MIER3: variants seen among roughly 807,000 people sequenced by gnomAD.
MIER3 encodes the protein MIER family member 3.
In MIER3, 9 loss-of-function variants were observed where a neutral mutation model predicts 63.2. The ratio of observed to expected loss-of-function variants is 0.14; its 90% CI spans 0.09 to 0.25. The LOEUF (loss-of-function observed/expected upper bound fraction) is 0.25. Ranked by LOEUF, MIER3 falls within the 10% of genes least tolerant of loss-of-function variation. The pLI, the probability that MIER3 is intolerant of heterozygous loss-of-function variation, is 1.00. For missense variants in MIER3, 512 were observed against 666.2 expected, an observed-to-expected ratio of 0.77 and a Z score of 2.55; for synonymous variants, 205 against 224.9, an observed-to-expected ratio of 0.91 and a Z score of 0.79.
At chr5:56,939,561 T>G (rs534248554) in intron 3 of MIER3, among the ~76,000 whole-genome samples, 67 of 152,346 alleles carry the variant, frequency 4.4e-4, no homozygotes, top group Non-Finnish European at 8.4e-4. Context: ...TTAAAACAAC[T>G]GTCTGAGGAA....
Position 56,922,883 on chromosome 5 carries a change from G to A in MIER3, c.*245C>T, listed in dbSNP as rs1579828279. 6.3e-6 allele frequency: 3 copies of A among 479,436 alleles called. No individual in the cohort carries two copies. The highest frequency in any genetic ancestry group is 1.1e-5 in the Non-Finnish European group (3 of 264,578). 29.7% of individuals were successfully genotyped at this position (479,436 alleles called of 1,614,324 possible). A position where few individuals can be genotyped will look rare whatever the true frequency, so the allele number is the denominator to read the frequency against. On this transcript the variant is annotated 3_prime_UTR_variant, in exon 13 of 13. Transcript: ENST00000381199. ...TTGGGAGATGAGGAAGAGAGAAGCA[G>A]AGCTTAAAGCTGCACCACAGAGTTC... is the stretch of plus-strand genomic sequence containing the variant.
rs1191681054 is a variant in MIER3, at chr5:56,919,647, A to G, written c.*3481T>C. 6.5e-6 allele frequency: 1 copy of G among 152,676 alleles called. No individual in the cohort carries two copies. The highest frequency in any genetic ancestry group is 2.4e-5 in the African/African-American group (1 of 41,472). 9.5% of individuals were successfully genotyped at this position (152,676 alleles called of 1,614,324 possible). On this transcript the variant is annotated 3_prime_UTR_variant, in exon 13 of 13. Coordinates refer to ENST00000381199, the MANE Select transcript of MIER3 (RefSeq NM_001297599.2). Reference sequence around the variant, plus strand: ...TTTCTGGAACTGTACACCAGGTATTAAAGTACAACAAATACAAAATAATGC... The same window carrying G: ...TTTCTGGAACTGTACACCAGGTATTGAAGTACAACAAATACAAAATAATGC...
chr5:56,929,182 T>G (rs1750163872), intron 9 of MIER3: 1 of 190,696 alleles, frequency 5.2e-6, no homozygotes, highest in African/African-American at 2.3e-5. Flanking sequence ...TAAAAAAAAT[T>G]TTTTTAAACA....
rs1161950983 is a variant in MIER3, at chr5:56,928,989, T to TCACACACACA, written c.830-129_830-128insTGTGTGTGTG. Reference sequence around the variant, plus strand: ...CTCTCTCACACACACACACTCTCTCTCTCACACACACACACACTCTCTCTC... The same window carrying TCACACACACA: ...CTCTCTCACACACACACACTCTCTCTCACACACACACTCACACACACACACACTCTCTCTC... On this transcript the variant is annotated intron_variant, in intron 9 of 12. Transcript: ENST00000381199. 117 of 468,774 alleles carry TCACACACACA rather than the reference T, an allele frequency of 2.5e-4. 3 individuals carry two copies. The Admixed American group carries it at 3.0e-3, about 12-fold the overall frequency. The allele number at this position is 468,774 out of a possible 1,614,324, so 29.0% of individuals were successfully genotyped here. A position where few individuals can be genotyped will look rare whatever the true frequency, so the allele number is the denominator to read the frequency against.
At chr5:56,945,355 C>T (rs889354217) in intron 3 of MIER3, among the ~76,000 whole-genome samples, 10 of 151,896 alleles carry the variant, frequency 6.6e-5, no homozygotes, top group East Asian at 1.9e-4. Context: ...CCCAACTACT[C>T]GGGAGGCTGA....
chr5:56,950,321 AG>A (rs1297277502), intron 2 of MIER3, among the ~76,000 whole-genome samples: 2 of 152,380 alleles, frequency 1.3e-5, no homozygotes, highest in East Asian at 3.9e-4. Context: ...GTTGGTGTCA[AG>A]TTAATTTGGG....
intron 2 of MIER3, among the ~76,000 whole-genome samples, chr5:56,949,933 G>A (rs1159502556): frequency 1.3e-5 from 2 of 152,174 alleles, no homozygotes; most frequent in East Asian, 3.8e-4. Flanking sequence ...ACCTGCTACA[G>A]GGATTCTACA....
intron 10 of MIER3, among the ~76,000 whole-genome samples, chr5:56,927,340 G>A (rs1750042657): frequency 6.6e-6 from 1 of 152,046 alleles, no homozygotes; most frequent in African/African-American, 2.4e-5. Flanking sequence ...TATAGGAGTG[G>A]AAGGGACATA....
chr5:56,935,588 A>T (rs1750414915), intron 6 of MIER3, 78 bp downstream of exon 6: 1 of 1,528,260 alleles, frequency 6.5e-7, no homozygotes, highest in East Asian at 2.3e-5. Flanking sequence ...TCTACAAGTC[A>T]AAACAACAAA....
At chr5:56,939,819 C>A (rs1449651086) in intron 3 of MIER3, among the ~76,000 whole-genome samples, 2 of 152,192 alleles carry the variant, frequency 1.3e-5, no homozygotes, top group African/African-American at 2.4e-5. Flanking sequence ...TACATGCAGA[C>A]TGCATATACA....
In MIER3 at chr5:56,923,831, T is replaced by C. The variant is rs755390219; in HGVS notation, c.1055A>G (p.Asp352Gly). Residue 352 changes from aspartate (D) to glycine (G), a missense_variant and splice_region_variant, in exon 12 of 13, where the codon GAC becomes GGC. By Grantham distance (94) the Asp-to-Gly change is moderately conservative (BLOSUM62 -1). Coordinates refer to ENST00000381199, the MANE Select transcript of MIER3 (RefSeq NM_001297599.2). ...KRYNHHPGVT[D>G]YMDRLVDETE... ...TTCATCTACTAAACGATCCATATAG[T>C]CCCTGAAAAACACACCCCAGTAATT... 6.2e-7 allele frequency: 1 copy of C among 1,614,080 alleles called. No homozygotes were observed.
chr5:56,938,916 C>CA lies in MIER3; in HGVS notation c.281dup (p.Ala95GlyfsTer3). The stretch of plus-strand genomic sequence containing the variant: ...GTGTCATGTCTGGTAGTTCATCTGC[C>CA]AGTTCACTTGGGGAACTATTTGCAC... On this transcript the variant is annotated frameshift_variant, in exon 4 of 13. Transcript: ENST00000381199. LOFTEE classifies it high-confidence loss of function. 1 of 1,614,112 alleles carries CA rather than the reference C, an allele frequency of 6.2e-7. No individual in the cohort carries two copies. Among genetic ancestry groups the CA allele is most frequent in the Non-Finnish European group, 8.5e-7 (1 of 1,179,994 alleles).
At chr5:56,925,301 G>T in intron 10 of MIER3, 1 of 453,710 alleles carries the variant, frequency 2.2e-6, no homozygotes, top group South Asian at 1.6e-5. Context: ...TACAGATTGG[G>T]AAGGAAGAAA....
chr5:56,923,529 C>A lies in MIER3; in HGVS notation c.1252G>T (p.Asp418Tyr). Residue 418 changes from aspartate to tyrosine, a missense_variant, in exon 13 of 13, where the codon GAT (aspartate) becomes TAT (tyrosine). By Grantham distance (160) the Asp-to-Tyr change is radical. Around this residue, in one of 5 missense-constraint regions of MIER3, gnomAD observed 218 missense variants for 251.2 expected, o/e 0.87. Transcript: ENST00000381199. ...GTGTTGCCCAGTGGAGGAAAGCTAT[C>A]ATCCAAACAATTCACATCTGTGGGG... ...CDPTDVNCLD[D>Y]SFPPLGNTPR... 6.2e-7 allele frequency: 1 copy of A among 1,614,128 alleles called. No individual in the cohort carries two copies. The highest frequency in any genetic ancestry group is 8.5e-7 in the Non-Finnish European group (1 of 1,180,028).
chr5:56,923,930 T>C lies in MIER3; in HGVS notation c.1037A>G (p.His346Arg). 1 of 1,614,134 alleles carries C rather than the reference T, an allele frequency of 6.2e-7. No homozygotes were observed. Among genetic ancestry groups the C allele is most frequent in the South Asian group, 1.1e-5 (1 of 91,080 alleles). ...QTRFGKKRYN[H>R]HPGVTDYMDR... The stretch of plus-strand genomic sequence containing the variant: ...CAGTACTTACGTAACTCCAGGGTGA[T>C]GGTTATATCTTTTTTTCCCAAATCT... Residue 346 changes from histidine (H) to arginine (R), a missense_variant, in exon 11 of 13, where the codon CAT becomes CGT. His to Arg is a conservative substitution (Grantham distance 29). Around this residue, in one of 5 missense-constraint regions of MIER3, gnomAD observed 34 missense variants for 86.3 expected, o/e 0.39. Transcript: ENST00000381199.
At chr5:56,934,595 A>G (rs1339197401) in intron 7 of MIER3, among the ~76,000 whole-genome samples, 2 of 152,174 alleles carry the variant, frequency 1.3e-5, no homozygotes, top group Non-Finnish European at 2.9e-5. Flanking sequence ...TTCCCCTGGG[A>G]TAACTGTCTT....
chr5:56,922,806 G>A lies in MIER3; in HGVS notation c.*322C>T. 3.4e-6 allele frequency: 1 copy of A among 291,772 alleles called. No homozygotes were observed. The highest frequency in any genetic ancestry group is 4.7e-5 in the South Asian group (1 of 21,336). 18.1% of individuals were successfully genotyped at this position (291,772 alleles called of 1,614,324 possible). Reference sequence around the variant, plus strand: ...CTACAGGTTTTAAAATTGGGAGTGAGGGCAGTGGGGAACACAAAAGAATAG... The same window carrying A: ...CTACAGGTTTTAAAATTGGGAGTGAAGGCAGTGGGGAACACAAAAGAATAG... On this transcript the variant is annotated 3_prime_UTR_variant, in exon 13 of 13. Coordinates refer to ENST00000381199, the MANE Select transcript of MIER3 (RefSeq NM_001297599.2).
At chr5:56,937,910 C>A (rs16886518) in intron 4 of MIER3, among the ~76,000 whole-genome samples, 23,229 of 151,076 alleles carry the variant, frequency 0.15, 2,441 homozygotes, top group East Asian at 0.35. Context: ...ATCAGTGCAA[C>A]CATATACTAA....
intron 8 of MIER3, among the ~76,000 whole-genome samples, chr5:56,931,200 C>T (rs1750254795): frequency 6.6e-6 from 1 of 152,198 alleles, no homozygotes. Context: ...AGGATTATAA[C>T]GGTCTCCGTT....
Sources: gnomAD v4.1 joint callset for allele counts (sites outside exome capture counted in the v4.1 genomes callset) on GRCh38, gnomAD v4.1.1 for gene constraint, gnomAD v4.1.1 regional missense constraint, MANE v1.5 for transcripts, NCBI Gene and HGNC (gene_info 2026-07-23, HGNC 2026-07-21) for gene names.